Variants in PLXNA4 observed in about 807,000 individuals in gnomAD.
PLXNA4 encodes plexin A4, also known as plexin-A4.
A neutral mutation model predicts 191.8 loss-of-function variants in PLXNA4; 44 were observed. The observed-to-expected ratio is 0.23, with a 90% CI of 0.18 to 0.29. The LOEUF (loss-of-function observed/expected upper bound fraction) is 0.29. Among genes scored for constraint, PLXNA4 ranks in the 10% least tolerant of loss-of-function variants. PLXNA4 has a pLI of 1.00. For missense variants in PLXNA4, 1,800 were observed against 2,488.8 expected, an observed-to-expected ratio of 0.72 and a Z score of 5.89; for synonymous variants, 1,082 against 1,009.5, an observed-to-expected ratio of 1.07 and a Z score of -1.36.
chr7:132,612,263 C>T (rs767092850), intron 2 of PLXNA4, among the ~76,000 whole-genome samples: 36 of 151,996 alleles, frequency 2.4e-4, no homozygotes, highest in Non-Finnish European at 4.4e-4. Flanking sequence ...TGTGTGACCT[C>T]GAAAAAAATT....
intron 2 of PLXNA4, among the ~76,000 whole-genome samples, chr7:132,583,820 G>A (rs1802455179): frequency 6.6e-6 from 1 of 152,302 alleles, no homozygotes; most frequent in South Asian, 2.1e-4. Context: ...AATGTGAGAT[G>A]TCCCTTGTGG....
At chr7:132,483,048 C>G (rs73444833) in intron 3 of PLXNA4, among the ~76,000 whole-genome samples, 5,977 of 152,140 alleles carry the variant, frequency 0.039, 185 homozygotes, top group African/African-American at 0.077. Flanking sequence ...AGAACTGCTG[C>G]GAAAAGCAGC....
intron 3 of PLXNA4, among the ~76,000 whole-genome samples, chr7:132,354,712 G>A (rs772591416): frequency 9.2e-5 from 14 of 152,164 alleles, no homozygotes; most frequent in Non-Finnish European, 1.8e-4. Context: ...AAAGGAAGAT[G>A]CTCTAGCTCC....
chr7:132,355,779 G>A (rs187670917), intron 3 of PLXNA4, among the ~76,000 whole-genome samples: 35 of 152,234 alleles, frequency 2.3e-4, no homozygotes, highest in African/African-American at 8.4e-4. Flanking sequence ...GCTTTGGGGA[G>A]GGAGAGAGAA....
intron 3 of PLXNA4, among the ~76,000 whole-genome samples, chr7:132,335,541 C>T (rs754116508): frequency 7.2e-5 from 11 of 152,294 alleles, no homozygotes; most frequent in Admixed American, 3.9e-4. Context: ...ATAGAACACC[C>T]CCACCCCCGG....
At chr7:132,500,606 A>C (rs893423395) in intron 2 of PLXNA4, among the ~76,000 whole-genome samples, 3 of 152,136 alleles carry the variant, frequency 2.0e-5, no homozygotes, top group African/African-American at 4.8e-5. Context: ...TTGGTGAAGG[A>C]AAAAAAATTC....
intron 16 of PLXNA4, 104 bp from the exon 17 acceptor site, chr7:132,182,294 G>A (rs1476723961): frequency 1.3e-6 from 2 of 1,511,768 alleles, no homozygotes; most frequent in African/African-American, 2.8e-5. Flanking sequence ...GTGATAACTA[G>A]GCAGCAGGGT....
At chr7:132,492,346 T>C (rs1311849514) in intron 2 of PLXNA4, among the ~76,000 whole-genome samples, 5 of 152,108 alleles carry the variant, frequency 3.3e-5, no homozygotes, top group Non-Finnish European at 7.3e-5. Flanking sequence ...CAGAAGGACA[T>C]CAACAGCCAC....
intron 5 of PLXNA4, among the ~76,000 whole-genome samples, chr7:132,233,448 A>G (rs776444516): frequency 9.9e-5 from 15 of 152,196 alleles, no homozygotes; most frequent in Non-Finnish European, 1.9e-4. Flanking sequence ...CCATGGTCTC[A>G]AGGAAGTTGA....
At position 132,278,538 on chromosome 7, in the gene PLXNA4, A is replaced by G. The variant is rs558318471; in HGVS notation, c.1503+19553T>C. ...CATGGCCACAAAAAGCCTTCGTGTCATCAGTCAATGCCAACTAGTTAATAA... is the reference window on the plus strand; with the variant it reads ...CATGGCCACAAAAAGCCTTCGTGTCGTCAGTCAATGCCAACTAGTTAATAA... On this transcript the variant is annotated intron_variant, in intron 4 of 31. Coordinates refer to ENST00000321063, the MANE Select transcript of PLXNA4 (RefSeq NM_020911.2). Among the ~76,000 whole-genome samples, 34 of 152,320 alleles carry G rather than the reference A, an allele frequency of 2.2e-4. No individual in the cohort carries two copies. The South Asian group carries it at 6.2e-3, about 28-fold the overall frequency.
intron 3 of PLXNA4, among the ~76,000 whole-genome samples, chr7:132,466,029 G>C (rs547676985): frequency 6.6e-6 from 1 of 152,104 alleles, no homozygotes. Flanking sequence ...GTCTCAACTT[G>C]GGAAACATCA....
At chr7:132,395,461 G>C (rs1480247992) in intron 3 of PLXNA4, among the ~76,000 whole-genome samples, 2 of 152,224 alleles carry the variant, frequency 1.3e-5, no homozygotes, top group East Asian at 3.9e-4. Flanking sequence ...GTGTCGGCCA[G>C]ATAAATTTGA....
chr7:132,341,845 T>C (rs1187501384), intron 3 of PLXNA4, among the ~76,000 whole-genome samples: 3 of 152,162 alleles, frequency 2.0e-5, no homozygotes, highest in Non-Finnish European at 4.4e-5. Flanking sequence ...GTTACATAAG[T>C]GTAAACCACA....
At chr7:132,415,960 G>T (rs1348242388) in intron 3 of PLXNA4, among the ~76,000 whole-genome samples, 4 of 152,212 alleles carry the variant, frequency 2.6e-5, no homozygotes, top group Admixed American at 2.6e-4. Context: ...TTATAGCTAT[G>T]CTGTCTGATA....
intron 3 of PLXNA4, among the ~76,000 whole-genome samples, chr7:132,400,518 T>G (rs1429759948): frequency 6.6e-6 from 1 of 152,180 alleles, no homozygotes; most frequent in East Asian, 1.9e-4. Flanking sequence ...AGACAAAATC[T>G]GTGACATAAT....
chr7:132,375,960 G>A (rs534765691), intron 3 of PLXNA4, among the ~76,000 whole-genome samples: 1 of 152,170 alleles, frequency 6.6e-6, no homozygotes, highest in Non-Finnish European at 1.5e-5. Context: ...TCCCTTATGT[G>A]AACAGAAAAG....
At chr7:132,314,661 G>A (rs562873890) in intron 3 of PLXNA4, among the ~76,000 whole-genome samples, 38 of 152,302 alleles carry the variant, frequency 2.5e-4, no homozygotes, top group South Asian at 1.7e-3. Flanking sequence ...AGGTCCTCAC[G>A]GAGGTTCCAC....
chr7:132,450,029 G>A (rs1796062532), intron 3 of PLXNA4, among the ~76,000 whole-genome samples: 1 of 152,170 alleles, frequency 6.6e-6, no homozygotes, highest in South Asian at 2.1e-4. Context: ...CTGGACACCA[G>A]CTCCTGTTTT....
chr7:132,508,286 G>T lies in PLXNA4; in HGVS notation c.408C>A (p.Gly136=), dbSNP rs1798566482. The T allele has an allele frequency of 1.2e-6, 2 of 1,614,212 alleles. No individual in the cohort carries two copies. The highest frequency in any genetic ancestry group is 4.5e-5 in the East Asian group (2 of 44,880). Residue 136 remains glycine (G), a synonymous_variant, in exon 2 of 32, where the codon GGC becomes GGA. Transcript: ENST00000321063. The surrounding 1 kb of genome is among the most constrained non-coding windows in gnomAD (Gnocchi z 4.4). The part of the protein sequence containing the change: ...RLIACGSLYQ[G]ICKLLRLEDL... ...CCTCCAGCCTCAGCAGCTTGCAGAT[G>T]CCTTGGTACAGGCTCCCACAGGCAA...
Sources: allele counts gnomAD v4.1 joint callset (sites outside exome capture counted in the v4.1 genomes callset), GRCh38; gene constraint gnomAD v4.1.1; non-coding constraint Gnocchi (gnomAD v3.1); transcripts MANE v1.5; gene names NCBI Gene and HGNC (gene_info 2026-07-23, HGNC 2026-07-21).